Variants in DPYD observed in about 807,000 individuals in gnomAD.
DPYD encodes the protein dihydropyrimidine dehydrogenase [NADP(+)].
Under a neutral mutation model 116.2 loss-of-function variants are expected in DPYD, and 109 were observed. That is an observed-to-expected ratio of 0.94 (90% CI 0.80 to 1.10). The LOEUF is 1.10. Ranked by LOEUF, DPYD falls within the 50% of genes least tolerant of loss-of-function variation. The probability of loss-of-function intolerance (pLI) is 0.00; values close to 1 mark genes in which losing one functional copy is unlikely to be tolerated. For missense variants in DPYD, 1,302 were observed against 1,254.5 expected (o/e 1.04, Z -0.57); for synonymous variants, 440 against 432.0 (o/e 1.02, Z -0.23).
At chr1:97,756,970 C>T (rs1665283923) in intron 3 of DPYD, among the ~76,000 whole-genome samples, 1 of 152,126 alleles carries the variant, frequency 6.6e-6, no homozygotes, top group Non-Finnish European at 1.5e-5. Flanking sequence ...AGAAGCTTTC[C>T]TCAACTACCC....
intron 3 of DPYD, among the ~76,000 whole-genome samples, chr1:97,751,460 G>GTGTGTATATATATATATATA (rs763260651): frequency 3.3e-4 from 7 of 21,282 alleles, no homozygotes; most frequent in South Asian, 6.5e-3. Context: ...GTGTGTGTGT[G>GTGTGTATATATATATATATA]TATATATATA....
intron 16 of DPYD, among the ~76,000 whole-genome samples, chr1:97,316,608 C>A (rs903675899): frequency 6.6e-6 from 1 of 151,178 alleles, no homozygotes; most frequent in Non-Finnish European, 1.5e-5. Context: ...GTGTGTTGGG[C>A]CTCCAATGCC....
At position 97,709,005 on chromosome 1, in the gene DPYD, G is replaced by A. The variant is rs181225677; in HGVS notation, c.484-9458C>T. On this transcript the variant is annotated intron_variant, in intron 5 of 22. Coordinates refer to ENST00000370192, the MANE Select transcript of DPYD (RefSeq NM_000110.4). ...TTATATCCTTTTTTGCCAAAATTGT[G>A]TATTAGTTCCAGGAGTTTTTCTGTT... Among the ~76,000 whole-genome samples the A allele has an allele frequency of 3.3e-5, 5 of 151,948 alleles. No homozygotes were observed. In the East Asian group the frequency reaches 9.7e-4, roughly 29 times the overall value.
chr1:97,797,484 G>C (rs985196986), intron 3 of DPYD: 1 of 151,972 alleles, frequency 6.6e-6, no homozygotes, highest in Non-Finnish European at 1.5e-5. Context: ...ATTTTGAAGA[G>C]AGAATACACT....
chr1:97,478,762 T>A (rs1328526456), intron 13 of DPYD, among the ~76,000 whole-genome samples: 2 of 152,234 alleles, frequency 1.3e-5, no homozygotes, highest in African/African-American at 4.8e-5. Context: ...CTTCTTCCAA[T>A]ATAAGGCTGT....
At chr1:97,895,087 T>C (rs1341118672) in intron 1 of DPYD, among the ~76,000 whole-genome samples, 2 of 151,622 alleles carry the variant, frequency 1.3e-5, no homozygotes, top group African/African-American at 2.4e-5. Context: ...GCATTTATAC[T>C]TTTTTTCATT....
In DPYD at chr1:97,093,879, T is replaced by G. The variant is rs1010975962; in HGVS notation, c.2766+4610A>C. 1.6e-4 allele frequency among the ~76,000 whole-genome samples: 25 copies of G among 152,130 alleles called. 1 individual carries two copies. In the Middle Eastern group the frequency reaches 0.014, roughly 83 times the overall value. On this transcript the variant is annotated intron_variant, in intron 21 of 22. Coordinates refer to ENST00000370192, the MANE Select transcript of DPYD (RefSeq NM_000110.4). ...TCTCCTCTTATGCAAGATATCTTAA[T>G]ATATTGTTTAGACTCCTTTCCCTCT...
chr1:97,265,066 T>C (rs2100866349), intron 18 of DPYD, among the ~76,000 whole-genome samples: 1 of 152,286 alleles, frequency 6.6e-6, no homozygotes, highest in South Asian at 2.1e-4. Flanking sequence ...CATTATTAGA[T>C]ACTGGGAATC....
intron 3 of DPYD, among the ~76,000 whole-genome samples, chr1:97,824,394 T>G (rs1488367934): frequency 6.6e-6 from 1 of 152,162 alleles, no homozygotes; most frequent in Non-Finnish European, 1.5e-5. Flanking sequence ...AAGTGTCATA[T>G]TAGCAACACA....
intron 8 of DPYD, among the ~76,000 whole-genome samples, chr1:97,633,860 A>G (rs185234395): frequency 1.3e-5 from 2 of 152,172 alleles, no homozygotes; most frequent in Admixed American, 6.6e-5. Context: ...TATATTAGTA[A>G]GGTTTATTCG....
chr1:97,740,614 A>T, intron 3 of DPYD, 135 bp from the exon 4 acceptor site: 2 of 765,508 alleles, frequency 2.6e-6, no homozygotes, highest in Non-Finnish European at 4.3e-6. Context: ...AAACATTTTT[A>T]AGCAATAAAT....
Position 97,159,741 on chromosome 1 carries a change from G to A in DPYD, c.2622+33328C>T, listed in dbSNP as rs1570574340. 2.6e-5 allele frequency among the ~76,000 whole-genome samples: 4 copies of A among 151,902 alleles called. 1 individual carries two copies. Among genetic ancestry groups the A allele is most frequent in the Admixed American group, 2.6e-4 (4 of 15,236 alleles). On this transcript the variant is annotated intron_variant, in intron 20 of 22. Transcript: ENST00000370192. Reference sequence around the variant, plus strand: ...GTAGCTAAGGAGATATGAAAAAATGGGAAAATAACAAAAATTAATTAGAAA... The same window carrying A: ...GTAGCTAAGGAGATATGAAAAAATGAGAAAATAACAAAAATTAATTAGAAA...
intron 3 of DPYD, among the ~76,000 whole-genome samples, chr1:97,793,380 G>A (rs1292591920): frequency 6.6e-6 from 1 of 152,042 alleles, no homozygotes; most frequent in Non-Finnish European, 1.5e-5. Context: ...AATTCATATG[G>A]AATTTCAGGT....
At chr1:97,884,129 A>G (rs574295517) in intron 1 of DPYD, among the ~76,000 whole-genome samples, 220 of 152,184 alleles carry the variant, frequency 1.4e-3, no homozygotes, top group African/African-American at 5.1e-3. Context: ...AACAGCTTAC[A>G]TTAATAGACT....
intron 3 of DPYD, among the ~76,000 whole-genome samples, chr1:97,808,749 A>T (rs1445414138): frequency 6.6e-6 from 1 of 151,238 alleles, no homozygotes; most frequent in Non-Finnish European, 1.5e-5. Flanking sequence ...ATTATTTAAA[A>T]TATTTATTTA....
intron 19 of DPYD, among the ~76,000 whole-genome samples, chr1:97,210,710 C>T (rs995691554): frequency 3.9e-5 from 6 of 152,132 alleles, no homozygotes; most frequent in African/African-American, 9.7e-5. Context: ...CAAAAAGATA[C>T]TAGTGCCTAT....
chr1:97,391,850 C>T (rs534510672), intron 14 of DPYD, among the ~76,000 whole-genome samples: 9 of 152,016 alleles, frequency 5.9e-5, no homozygotes, highest in Non-Finnish European at 1.2e-4. Flanking sequence ...CACTGAATTG[C>T]TTTGCTTTCT....
intron 19 of DPYD, among the ~76,000 whole-genome samples, chr1:97,217,523 T>C (rs1660490437): frequency 6.6e-6 from 1 of 151,750 alleles, no homozygotes; most frequent in South Asian, 2.1e-4. Context: ...TATTTTACTG[T>C]AATTTCTTTT....
At chr1:97,682,397 G>A (rs1700274806) in intron 7 of DPYD, among the ~76,000 whole-genome samples, 1 of 151,842 alleles carries the variant, frequency 6.6e-6, no homozygotes. Flanking sequence ...ATTCCAAGCA[G>A]TGACAGGCAC....
Sources: gnomAD v4.1 joint callset for allele counts (sites outside exome capture counted in the v4.1 genomes callset) on GRCh38, gnomAD v4.1.1 for gene constraint, MANE v1.5 for transcripts, NCBI Gene and HGNC (gene_info 2026-07-23, HGNC 2026-07-21) for gene names.